Variants in GREM2 observed in about 807,000 individuals in gnomAD.
GREM2 encodes gremlin-2.
A neutral mutation model predicts 14.2 loss-of-function variants in GREM2; 11 were observed. The ratio of observed to expected loss-of-function variants is 0.78; its 90% CI spans 0.49 to 1.28. The LOEUF (loss-of-function observed/expected upper bound fraction) is 1.28, where lower values mean the gene tolerates loss of function less well. GREM2 is among the 50% of genes most tolerant of loss of function. GREM2 has a pLI of 0.00. For synonymous variants in GREM2, 98 were observed against 97.6 expected, an observed-to-expected ratio of 1.00 and a Z score of -0.02; for missense variants, 210 against 218.5, an observed-to-expected ratio of 0.96 and a Z score of 0.24.
At chr1:240,517,059 T>C (rs1167481642) in intron 1 of GREM2, among the ~76,000 whole-genome samples, 1 of 152,182 alleles carries the variant, frequency 6.6e-6, no homozygotes. Flanking sequence ...CATAATGTTA[T>C]AGTGAGGATT....
chr1:240,579,393 A>G (rs1263015818), intron 1 of GREM2, among the ~76,000 whole-genome samples: 1 of 152,182 alleles, frequency 6.6e-6, no homozygotes, highest in Non-Finnish European at 1.5e-5. Flanking sequence ...GCATTACGCA[A>G]AACACCTCCT....
intron 1 of GREM2, among the ~76,000 whole-genome samples, chr1:240,569,615 A>G (rs987486608): frequency 6.6e-6 from 1 of 152,214 alleles, no homozygotes; most frequent in Non-Finnish European, 1.5e-5. Flanking sequence ...ATAGCCAACA[A>G]ATAGTATTGG....
At chr1:240,545,803 A>G (rs1222989890) in intron 1 of GREM2, among the ~76,000 whole-genome samples, 1 of 152,202 alleles carries the variant, frequency 6.6e-6, no homozygotes, top group Non-Finnish European at 1.5e-5. Flanking sequence ...GAAGAGGAAG[A>G]GCATATTTCA....
chr1:240,539,771 TA>T (rs1678546667), intron 1 of GREM2, among the ~76,000 whole-genome samples: 2 of 152,314 alleles, frequency 1.3e-5, no homozygotes, highest in South Asian at 4.1e-4. Flanking sequence ...AATGTTATTG[TA>T]AATTTTCCAG....
intron 1 of GREM2, among the ~76,000 whole-genome samples, chr1:240,599,923 C>A (rs746496187): frequency 2.6e-4 from 39 of 152,202 alleles, no homozygotes; most frequent in Admixed American, 7.2e-4. Flanking sequence ...CAACAACAAA[C>A]TTTGTTGCAT....
intron 1 of GREM2, among the ~76,000 whole-genome samples, chr1:240,507,064 G>T (rs1677689684): frequency 6.6e-6 from 1 of 152,360 alleles, no homozygotes; most frequent in African/African-American, 2.4e-5. Flanking sequence ...CGGAGGAAGA[G>T]CTGGTTTTGG....
intron 1 of GREM2, among the ~76,000 whole-genome samples, chr1:240,507,256 C>T (rs999490371): frequency 6.6e-5 from 10 of 152,068 alleles, no homozygotes; most frequent in African/African-American, 2.4e-4. Context: ...TCCTTCCCTC[C>T]ATTCCTTCCT....
At chr1:240,527,494 A>G (rs532503458) in intron 1 of GREM2, among the ~76,000 whole-genome samples, 1 of 152,332 alleles carries the variant, frequency 6.6e-6, no homozygotes, top group South Asian at 2.1e-4. Context: ...GAAGAAAATA[A>G]AAACATTTTA....
At chr1:240,501,678 G>T (rs1168846166) in intron 1 of GREM2, among the ~76,000 whole-genome samples, 31 of 152,098 alleles carry the variant, frequency 2.0e-4, no homozygotes, top group Non-Finnish European at 8.8e-5. Context: ...ATCCATGTGC[G>T]GATGGGAGGG....
chr1:240,505,642 C>T (rs902822402), intron 1 of GREM2, among the ~76,000 whole-genome samples: 4 of 151,362 alleles, frequency 2.6e-5, no homozygotes, highest in African/African-American at 9.7e-5. Flanking sequence ...TGTAATCAAT[C>T]CAAAGAGCCA....
intron 1 of GREM2, among the ~76,000 whole-genome samples, chr1:240,533,970 C>T (rs1678417907): frequency 6.6e-6 from 1 of 152,126 alleles, no homozygotes; most frequent in Admixed American, 6.6e-5. Context: ...AGACCTGGTG[C>T]TACTTTTGGT....
At chr1:240,585,796 G>T (rs534627705) in intron 1 of GREM2, among the ~76,000 whole-genome samples, 2 of 148,202 alleles carry the variant, frequency 1.3e-5, no homozygotes, top group East Asian at 4.0e-4. Context: ...CCCCTCAAAA[G>T]GTCACAGTGG....
chr1:240,580,238 A>C (rs955011384), intron 1 of GREM2, among the ~76,000 whole-genome samples: 3 of 152,140 alleles, frequency 2.0e-5, no homozygotes, highest in Non-Finnish European at 2.9e-5. Context: ...TTAAATAAGA[A>C]ATTTAAATAC....
chr1:240,562,727 A>G (rs200571350), intron 1 of GREM2, among the ~76,000 whole-genome samples: 13 of 126,322 alleles, frequency 1.0e-4, no homozygotes, highest in African/African-American at 3.7e-4. Context: ...GTGTGTGTGT[A>G]TGTGTGTATA....
intron 1 of GREM2, among the ~76,000 whole-genome samples, chr1:240,529,774 A>G (rs1321212441): frequency 6.6e-6 from 1 of 152,168 alleles, no homozygotes; most frequent in Non-Finnish European, 1.5e-5. Context: ...TACACTCCCA[A>G]GCAATGTCTG....
chr1:240,510,502 G>A (rs550900417), intron 1 of GREM2, among the ~76,000 whole-genome samples: 4 of 151,788 alleles, frequency 2.6e-5, no homozygotes, highest in Admixed American at 1.3e-4. Flanking sequence ...TAATGAGTAC[G>A]GGGTTTCTTG....
At chr1:240,563,008 G>T (rs886372228) in intron 1 of GREM2, among the ~76,000 whole-genome samples, 1 of 149,820 alleles carries the variant, frequency 6.7e-6, no homozygotes, top group Non-Finnish European at 1.5e-5. Context: ...GTATATGTGA[G>T]TGTATGTGTG....
chr1:240,594,035 C>T (rs566695162), intron 1 of GREM2, among the ~76,000 whole-genome samples: 1 of 152,172 alleles, frequency 6.6e-6, no homozygotes, highest in Admixed American at 6.5e-5. Flanking sequence ...CTCACTGCAG[C>T]CTTGAACTCC....
At chr1:240,503,247 G>A (rs181058255) in intron 1 of GREM2, among the ~76,000 whole-genome samples, 1 of 152,312 alleles carries the variant, frequency 6.6e-6, no homozygotes, top group East Asian at 1.9e-4. Flanking sequence ...AGCTACTGGA[G>A]AGTATCCCAG....
Sources: gnomAD v4.1 joint callset for allele counts (sites outside exome capture counted in the v4.1 genomes callset) on GRCh38, gnomAD v4.1.1 for gene constraint, MANE v1.5 for transcripts, NCBI Gene and HGNC (gene_info 2026-07-23, HGNC 2026-07-21) for gene names.